NCAM1: variants seen among roughly 807,000 people sequenced by gnomAD.
NCAM1 encodes the protein antigen recognized by monoclonal antibody 5.1H11.
A neutral mutation model predicts 109.8 loss-of-function variants in NCAM1; 14 were observed. That is an observed-to-expected ratio of 0.13 (90% CI 0.08 to 0.20). The LOEUF (loss-of-function observed/expected upper bound fraction) is 0.20, where lower values mean the gene tolerates loss of function less well. NCAM1 is among the 10% of genes least tolerant of loss of function. NCAM1 has a pLI of 1.00. For missense variants in NCAM1, 774 were observed against 1,109.9 expected, an observed-to-expected ratio of 0.70 and a Z score of 4.30; for synonymous variants, 418 against 442.9, an observed-to-expected ratio of 0.94 and a Z score of 0.70.
chr11:113,202,023 G>A (rs1039111924), intron 1 of NCAM1, among the ~76,000 whole-genome samples: 2 of 152,216 alleles, frequency 1.3e-5, no homozygotes, highest in African/African-American at 4.8e-5. Context: ...ATCCCAGGAT[G>A]TTGCTGTTTT....
chr11:113,232,572 C>T lies in NCAM1; in HGVS notation c.1426-146C>T, dbSNP rs556542725. 1.6e-3 allele frequency: 1,276 copies of T among 818,082 alleles called. 10 individuals are homozygous for T. The highest frequency in any genetic ancestry group is 0.013 in the South Asian group (739 of 57,144). 50.7% of individuals were successfully genotyped at this position (818,082 alleles called of 1,614,324 possible). A position where few individuals can be genotyped will look rare whatever the true frequency, so the allele number is the denominator to read the frequency against. Reference sequence around the variant, plus strand: ...CTCTCCCATGAGCCCCTCTGCTATTCTTTTCTCTTGTTTAAGGCTGGGCTG... The same window carrying T: ...CTCTCCCATGAGCCCCTCTGCTATTTTTTTCTCTTGTTTAAGGCTGGGCTG... On this transcript the variant is annotated intron_variant, in intron 11 of 19. Coordinates refer to ENST00000316851, the MANE Select transcript of NCAM1 (RefSeq NM_181351.5).
At chr11:113,236,153 C>G in intron 14 of NCAM1, 1 of 809,594 alleles carries the variant, frequency 1.2e-6, no homozygotes. Context: ...TGGCTTCTTT[C>G]TCTGGATTTG....
chr11:113,250,681 T>A (rs576198869), intron 15 of NCAM1, among the ~76,000 whole-genome samples: 1 of 152,338 alleles, frequency 6.6e-6, no homozygotes, highest in Admixed American at 6.5e-5. Context: ...AGTAAAAGAT[T>A]GTAATGCAAG....
At chr11:113,028,863 T>A (rs938048487) in intron 1 of NCAM1, among the ~76,000 whole-genome samples, 1 of 151,902 alleles carries the variant, frequency 6.6e-6, no homozygotes, top group East Asian at 1.9e-4. Flanking sequence ...GCATGTCTAG[T>A]TTTTTTAGCC....
At chr11:113,129,376 T>C (rs1376081648) in intron 1 of NCAM1, among the ~76,000 whole-genome samples, 2 of 152,224 alleles carry the variant, frequency 1.3e-5, no homozygotes, top group African/African-American at 4.8e-5. Flanking sequence ...GCTGGAGCTG[T>C]ACGTCTCCAC....
chr11:113,009,332 T>TG (rs1565379758), intron 1 of NCAM1, among the ~76,000 whole-genome samples: 12 of 115,086 alleles, frequency 1.0e-4, no homozygotes, highest in Admixed American at 4.9e-4. Flanking sequence ...TTTTTTTTTT[T>TG]TTTTTTTTTA....
intron 1 of NCAM1, chr11:113,132,989 C>T (rs1167366235): frequency 1.3e-5 from 2 of 152,222 alleles, no homozygotes; most frequent in South Asian, 2.1e-4. Flanking sequence ...GAGTGAAACT[C>T]TCTTCTCAGG....
chr11:113,148,692 G>A (rs2136249196), intron 1 of NCAM1, among the ~76,000 whole-genome samples: 1 of 152,252 alleles, frequency 6.6e-6, no homozygotes, highest in South Asian at 2.1e-4. Context: ...TTTTTGTCAG[G>A]CATCACCATA....
intron 1 of NCAM1, among the ~76,000 whole-genome samples, chr11:113,163,969 G>A (rs1407361498): frequency 6.6e-6 from 1 of 152,100 alleles, no homozygotes; most frequent in Non-Finnish European, 1.5e-5. Flanking sequence ...CCTACCCACT[G>A]GCATGTTCCC....
At chr11:113,101,703 T>G (rs1230904169) in intron 1 of NCAM1, among the ~76,000 whole-genome samples, 1 of 152,228 alleles carries the variant, frequency 6.6e-6, no homozygotes, top group Non-Finnish European at 1.5e-5. Context: ...TAAGTAAGAA[T>G]AGTTAACACC....
At chr11:113,169,166 G>T (rs1381164232) in intron 1 of NCAM1, among the ~76,000 whole-genome samples, 16 of 151,972 alleles carry the variant, frequency 1.1e-4, no homozygotes, top group Non-Finnish European at 1.3e-4. Flanking sequence ...TGACCTAGCT[G>T]ATAGCAACCA....
At chr11:113,246,887 T>C (rs1945515281) in intron 15 of NCAM1, among the ~76,000 whole-genome samples, 1 of 152,214 alleles carries the variant, frequency 6.6e-6, no homozygotes, top group Non-Finnish European at 1.5e-5. Context: ...TTCATGCACA[T>C]TGAGGACTTT....
intron 1 of NCAM1, among the ~76,000 whole-genome samples, chr11:113,114,189 CA>C (rs1940577488): frequency 1.3e-5 from 2 of 152,182 alleles, no homozygotes; most frequent in Admixed American, 6.5e-5. Context: ...TCATCATAGC[CA>C]CTTGTGCCAG....
intron 1 of NCAM1, among the ~76,000 whole-genome samples, chr11:113,009,312 G>GTTTTTTTTTTTTTTT (rs781818836): frequency 7.5e-4 from 60 of 79,692 alleles, no homozygotes; most frequent in East Asian, 1.6e-3. Flanking sequence ...GTTTTTTCGG[G>GTTTTTTTTTTTTTTT]TTTTTTTTTT....
chr11:112,998,191 T>G (rs1951650059), intron 1 of NCAM1, among the ~76,000 whole-genome samples: 1 of 152,200 alleles, frequency 6.6e-6, no homozygotes, highest in Non-Finnish European at 1.5e-5. Context: ...GATTCTACAT[T>G]CAGGCACTTT....
At chr11:113,119,501 G>A (rs538166332) in intron 1 of NCAM1, among the ~76,000 whole-genome samples, 2 of 152,252 alleles carry the variant, frequency 1.3e-5, no homozygotes, top group Non-Finnish European at 2.9e-5. Flanking sequence ...GGAATGGCTG[G>A]TAGCAGTGCC....
Position 113,215,560 on chromosome 11 carries a change from T to C in NCAM1, c.1059+1049T>C, listed in dbSNP as rs189618206. Among the ~76,000 whole-genome samples, 437 of 152,280 alleles carry C rather than the reference T, an allele frequency of 2.9e-3. 4 individuals are homozygous for C. Among genetic ancestry groups the C allele is most frequent in the Non-Finnish European group, 5.7e-3 (389 of 68,018 alleles). ...ATAGTGTGAAATTCCAGAGTTAAAT[T>C]TGGGATTTGCATTTGAGGAGCTGAT... On this transcript the variant is annotated intron_variant, in intron 8 of 19. Transcript: ENST00000316851.
intron 1 of NCAM1, among the ~76,000 whole-genome samples, chr11:113,033,740 T>C (rs1266261611): frequency 6.6e-6 from 1 of 152,200 alleles, no homozygotes; most frequent in Non-Finnish European, 1.5e-5. Context: ...TTAGTTAATA[T>C]GCATTTGTTG....
At chr11:113,201,577 C>T (rs982968114) in intron 1 of NCAM1, among the ~76,000 whole-genome samples, 32 of 152,218 alleles carry the variant, frequency 2.1e-4, no homozygotes, top group Non-Finnish European at 1.3e-4. Flanking sequence ...AAACGAGGAG[C>T]AGATGAACAC....
Sources: gnomAD v4.1 joint callset for allele counts (sites outside exome capture counted in the v4.1 genomes callset) on GRCh38, gnomAD v4.1.1 for gene constraint, MANE v1.5 for transcripts, NCBI Gene and HGNC (gene_info 2026-07-23, HGNC 2026-07-21) for gene names.